PIAS1: variants seen among roughly 807,000 people sequenced by gnomAD.
PIAS1 encodes E3 SUMO-protein ligase PIAS1.
In PIAS1, 6 loss-of-function variants were observed where a neutral mutation model predicts 71.3. The ratio of observed to expected loss-of-function variants is 0.08; its 90% confidence interval spans 0.05 to 0.17. PIAS1 has a LOEUF of 0.17. Among genes scored for constraint, PIAS1 ranks in the 10% least tolerant of loss-of-function variants. The pLI, the probability that PIAS1 is intolerant of heterozygous loss-of-function variation, is 1.00. For missense variants in PIAS1, 555 were observed against 793.6 expected (o/e 0.70, Z 3.61); for synonymous variants, 303 against 292.9 (o/e 1.03, Z -0.35).
At chr15:68,075,783 C>CTTT (rs71287007) in intron 1 of PIAS1, among the ~76,000 whole-genome samples, 6 of 134,108 alleles carry the variant, frequency 4.5e-5, no homozygotes, top group African/African-American at 1.4e-4. Context: ...ATTCCTAGGG[C>CTTT]TTTTTTTTTT....
chr15:68,164,702 T>G, intron 7 of PIAS1, 29 bp from the exon 8 acceptor site: 1 of 1,388,370 alleles, frequency 7.2e-7, no homozygotes, highest in Non-Finnish European at 1.0e-6. Context: ...CTCTGTTTGC[T>G]TTTTTTCTTC....
chr15:68,116,483 G>C (rs1345248115), intron 2 of PIAS1, among the ~76,000 whole-genome samples: 4 of 151,880 alleles, frequency 2.6e-5, no homozygotes. Context: ...TTGTTCTCTT[G>C]ATTAGTCTTG....
chr15:68,115,614 C>G (rs1394330736), intron 2 of PIAS1, among the ~76,000 whole-genome samples: 1 of 152,082 alleles, frequency 6.6e-6, no homozygotes, highest in Admixed American at 6.6e-5. Context: ...CTGCCTCATT[C>G]CTAATTTTTG....
intron 1 of PIAS1, among the ~76,000 whole-genome samples, chr15:68,063,502 GAATT>G (rs1370386933): frequency 6.6e-6 from 1 of 152,106 alleles, no homozygotes; most frequent in Admixed American, 6.5e-5. Flanking sequence ...ATTTATTAAA[GAATT>G]ATTTATCACA....
chr15:68,077,259 A>G (rs912308153), intron 1 of PIAS1, among the ~76,000 whole-genome samples: 33 of 152,228 alleles, frequency 2.2e-4, no homozygotes, highest in Non-Finnish European at 4.6e-4. Context: ...TATTGGTAAA[A>G]ATACCATGTT....
intron 1 of PIAS1, among the ~76,000 whole-genome samples, chr15:68,072,639 T>C (rs2092111393): frequency 6.6e-6 from 1 of 152,096 alleles, no homozygotes; most frequent in Admixed American, 6.6e-5. Context: ...TCCAAGTCTT[T>C]TCAAATCTTC....
At position 68,187,937 on chromosome 15, in the gene PIAS1, A is replaced by T; in HGVS notation, c.*102A>T. 9.4e-7 allele frequency: 1 copy of T among 1,069,288 alleles called. No individual in the cohort carries two copies. The highest frequency in any genetic ancestry group is 1.3e-6 in the Non-Finnish European group (1 of 753,580). 66.2% of individuals were successfully genotyped at this position (1,069,288 alleles called of 1,614,324 possible). A position where few individuals can be genotyped will look rare whatever the true frequency, so the allele number is the denominator to read the frequency against. On this transcript the variant is annotated 3_prime_UTR_variant, in exon 14 of 14. Coordinates refer to ENST00000249636, the MANE Select transcript of PIAS1 (RefSeq NM_016166.3). The surrounding 1 kb of genome is among the most constrained non-coding windows in gnomAD (Gnocchi z 5.3). ...TTTACCTTACTCTGTTTAGAAAAGTATACAAGCGTGTTTTTTTTCCTTTTT... is the reference window on the plus strand; with the variant it reads ...TTTACCTTACTCTGTTTAGAAAAGTTTACAAGCGTGTTTTTTTTCCTTTTT...
chr15:68,098,812 C>T (rs892441533), intron 2 of PIAS1, among the ~76,000 whole-genome samples: 1 of 152,082 alleles, frequency 6.6e-6, no homozygotes, highest in Admixed American at 6.6e-5. Flanking sequence ...TAGTTTCTTG[C>T]TGTTGAAAAC....
intron 2 of PIAS1, among the ~76,000 whole-genome samples, chr15:68,128,708 G>A (rs2092669515): frequency 1.3e-5 from 2 of 152,094 alleles, no homozygotes; most frequent in Admixed American, 1.3e-4. Context: ...GTGGTATTAG[G>A]AATTGAGAAT....
In PIAS1 at chr15:68,086,819, G is replaced by C; in HGVS notation, c.469+69G>C. On this transcript the variant is annotated intron_variant, in intron 2 of 13. Coordinates refer to ENST00000249636, the MANE Select transcript of PIAS1 (RefSeq NM_016166.3). The surrounding 1 kb of genome is among the most constrained non-coding windows in gnomAD (Gnocchi z 7.2). ...AATTTTCGTTTTAGGCTTTTACTTTGACCCAGTTTATTATTCATAATGAAA... is the reference window on the plus strand; with the variant it reads ...AATTTTCGTTTTAGGCTTTTACTTTCACCCAGTTTATTATTCATAATGAAA... The C allele has an allele frequency of 1.2e-6, 1 of 852,098 alleles. No individual in the cohort carries two copies. Among genetic ancestry groups the C allele is most frequent in the Non-Finnish European group, 1.9e-6 (1 of 537,800 alleles). 52.8% of individuals were successfully genotyped at this position (852,098 alleles called of 1,614,324 possible). A position where few individuals can be genotyped will look rare whatever the true frequency, so the allele number is the denominator to read the frequency against.
At chr15:68,104,753 A>G (rs774826750) in intron 2 of PIAS1, among the ~76,000 whole-genome samples, 13 of 152,182 alleles carry the variant, frequency 8.5e-5, no homozygotes, top group Non-Finnish European at 4.4e-5. Context: ...TAGTTACCCT[A>G]ATTTAATCAT....
In PIAS1 at chr15:68,174,370, A is replaced by T. The variant is rs542401842; in HGVS notation, c.1169+478A>T. On this transcript the variant is annotated intron_variant, in intron 9 of 13. Transcript: ENST00000249636. This position sits in a 1 kb window ranked among gnomAD's most constrained non-coding sequence, Gnocchi z 4.0. ...CTTTTTTGTCTTGCCCACCTATAGC[A>T]TCACAAAACCAATTATTGCTTTTAA... 6.6e-6 allele frequency among the ~76,000 whole-genome samples: 1 copy of T among 152,332 alleles called. No homozygotes were observed. Among genetic ancestry groups the T allele is most frequent in the East Asian group, 1.9e-4 (1 of 5,188 alleles).
chr15:68,183,086 T>C (rs74601873), intron 12 of PIAS1, among the ~76,000 whole-genome samples: 9,223 of 152,302 alleles, frequency 0.061, 383 homozygotes, highest in Non-Finnish European at 0.091. Flanking sequence ...TCTTATGTAA[T>C]AGTAGCCAGT....
At chr15:68,164,268 T>C (rs750254116) in intron 7 of PIAS1, among the ~76,000 whole-genome samples, 3 of 152,166 alleles carry the variant, frequency 2.0e-5, no homozygotes, top group Non-Finnish European at 4.4e-5. Flanking sequence ...TTAAGCTGTT[T>C]TACAGTAAAT....
At chr15:68,128,383 AAT>A (rs2092667033) in intron 2 of PIAS1, among the ~76,000 whole-genome samples, 1 of 152,076 alleles carries the variant, frequency 6.6e-6, no homozygotes, top group Non-Finnish European at 1.5e-5. Flanking sequence ...CCCAGGCTTA[AAT>A]GATCCACCTG....
chr15:68,055,764 T>C (rs1426273503), intron 1 of PIAS1: 5 of 544,374 alleles, frequency 9.2e-6, no homozygotes, highest in Non-Finnish European at 1.6e-5. Flanking sequence ...AATTATTTAA[T>C]TTTTTCCCCG....
At chr15:68,116,853 A>G (rs1182809800) in intron 2 of PIAS1, among the ~76,000 whole-genome samples, 4 of 152,060 alleles carry the variant, frequency 2.6e-5, no homozygotes, top group South Asian at 2.1e-4. Flanking sequence ...TAGAAGTGTA[A>G]TAGTTCCCAA....
chr15:68,059,276 A>C (rs896138625), intron 1 of PIAS1, among the ~76,000 whole-genome samples: 1 of 151,862 alleles, frequency 6.6e-6, no homozygotes, highest in African/African-American at 2.4e-5. Flanking sequence ...CAAAGTGCTG[A>C]GATTACAGGC....
In PIAS1 at chr15:68,190,770, A is replaced by C. The variant is rs1006866341; in HGVS notation, c.*2935A>C. ...ATTGGATACATCTTAAAAAAAAAAA[A>C]TCTGAACCAGAACCATGCCATACTT... is the stretch of plus-strand genomic sequence containing the variant. On this transcript the variant is annotated 3_prime_UTR_variant, in exon 14 of 14. Coordinates refer to ENST00000249636, the MANE Select transcript of PIAS1 (RefSeq NM_016166.3). The surrounding 1 kb of genome is among the most constrained non-coding windows in gnomAD (Gnocchi z 4.7). The C allele has an allele frequency of 6.6e-6, 1 of 152,120 alleles. No homozygotes were observed. The highest frequency in any genetic ancestry group is 2.4e-5 in the African/African-American group (1 of 41,422). 9.4% of individuals were successfully genotyped at this position (152,120 alleles called of 1,614,324 possible). A position where few individuals can be genotyped will look rare whatever the true frequency, so the allele number is the denominator to read the frequency against.
Sources: gnomAD v4.1 joint callset for allele counts (sites outside exome capture counted in the v4.1 genomes callset) on GRCh38, gnomAD v4.1.1 for gene constraint, Gnocchi (gnomAD v3.1) non-coding constraint, MANE v1.5 for transcripts, NCBI Gene and HGNC (gene_info 2026-07-23, HGNC 2026-07-21) for gene names.